The following PIAS1 variants were observed in gnomAD, a reference collection of about 807,000 sequenced individuals.
The protein encoded by PIAS1 is E3 SUMO-protein ligase PIAS1.
In PIAS1, 6 loss-of-function variants were observed where a neutral mutation model predicts 71.3. That is an observed-to-expected ratio of 0.08 (90% confidence interval 0.05 to 0.17). PIAS1 has a LOEUF of 0.17. PIAS1 is among the 10% of genes least tolerant of loss of function. The pLI, the probability that PIAS1 is intolerant of heterozygous loss-of-function variation, is 1.00. For missense variants in PIAS1, 555 were observed against 793.6 expected (o/e 0.70, Z 3.61); for synonymous variants, 303 against 292.9 (o/e 1.03, Z -0.35).
chr15:68,131,780 C>T (rs966937216), intron 2 of PIAS1, among the ~76,000 whole-genome samples: 3 of 152,166 alleles, frequency 2.0e-5, no homozygotes, highest in South Asian at 2.1e-4. Flanking sequence ...AGGTTGATTC[C>T]GTACTTGGTA....
At chr15:68,146,796 C>G in intron 6 of PIAS1, 96 bp downstream of exon 6, 1 of 883,738 alleles carries the variant, frequency 1.1e-6, no homozygotes, top group South Asian at 1.8e-5. Flanking sequence ...GTAAAATGAG[C>G]TGCAAAAGGA....
At position 68,187,986 on chromosome 15, in the gene PIAS1, G is replaced by T. The variant is rs2093099245; in HGVS notation, c.*151G>T. The T allele has an allele frequency of 3.2e-6, 2 of 626,288 alleles. No individual in the cohort carries two copies. Among genetic ancestry groups the T allele is most frequent in the African/African-American group, 3.7e-5 (2 of 54,140 alleles). The allele number at this position is 626,288 out of a possible 1,614,324, so 38.8% of individuals were successfully genotyped here. On this transcript the variant is annotated 3_prime_UTR_variant, in exon 14 of 14. Transcript: ENST00000249636. The surrounding 1 kb of genome is among the most constrained non-coding windows in gnomAD (Gnocchi z 5.3). ...TTTTAGGGAAAAAATTAAAAGAAAT[G>T]TACAGAGAACAAAACTATATTTTCA...
chr15:68,090,271 T>G (rs1302745872), intron 2 of PIAS1, among the ~76,000 whole-genome samples: 3 of 152,018 alleles, frequency 2.0e-5, no homozygotes, highest in Non-Finnish European at 4.4e-5. Context: ...GGCGAGATCT[T>G]GGTTTGCTGT....
In PIAS1 at chr15:68,190,241, G is replaced by T. The variant is rs546740777; in HGVS notation, c.*2406G>T. ...CGGTGGTTTCAGTGGTTTTGGTCAT[G>T]TGTCCACAGGAGAAACTAACCATTC... On this transcript the variant is annotated 3_prime_UTR_variant, in exon 14 of 14. Transcript: ENST00000249636. This position sits in a 1 kb window ranked among gnomAD's most constrained non-coding sequence, Gnocchi z 4.7. 1 of 152,322 alleles carries T rather than the reference G, an allele frequency of 6.6e-6. No individual in the cohort carries two copies. Among genetic ancestry groups the T allele is most frequent in the African/African-American group, 2.4e-5 (1 of 41,584 alleles). 9.4% of individuals were successfully genotyped at this position (152,322 alleles called of 1,614,324 possible). A position where few individuals can be genotyped will look rare whatever the true frequency, so the allele number is the denominator to read the frequency against.
chr15:68,170,316 A>G (rs1204283648), intron 8 of PIAS1, among the ~76,000 whole-genome samples: 1 of 152,184 alleles, frequency 6.6e-6, no homozygotes, highest in Non-Finnish European at 1.5e-5. Flanking sequence ...ACCTTGGCCT[A>G]TTGCTCCTAG....
At chr15:68,142,476 A>G in intron 4 of PIAS1, 139 bp downstream of exon 4, 1 of 608,668 alleles carries the variant, frequency 1.6e-6, no homozygotes, top group Non-Finnish European at 2.8e-6. Flanking sequence ...AGGAAGGGGA[A>G]ATGGAAAAAA....
At chr15:68,098,060 A>G (rs1056354027) in intron 2 of PIAS1, among the ~76,000 whole-genome samples, 2 of 152,148 alleles carry the variant, frequency 1.3e-5, no homozygotes, top group African/African-American at 2.4e-5. Context: ...GTCTAATTGT[A>G]TACTTTTCTG....
intron 7 of PIAS1, among the ~76,000 whole-genome samples, chr15:68,160,880 A>AAT (rs1462426528): frequency 6.6e-6 from 1 of 152,086 alleles, no homozygotes; most frequent in Non-Finnish European, 1.5e-5. Flanking sequence ...TGAATGCTTC[A>AAT]CTCCTAAGAT....
At chr15:68,136,888 A>G (rs2092737696) in intron 2 of PIAS1, among the ~76,000 whole-genome samples, 1 of 152,206 alleles carries the variant, frequency 6.6e-6, no homozygotes, top group African/African-American at 2.4e-5. Context: ...CCCTTATGCA[A>G]ATACATAAAT....
intron 2 of PIAS1, among the ~76,000 whole-genome samples, chr15:68,125,735 G>A (rs888234972): frequency 2.0e-5 from 3 of 151,838 alleles, no homozygotes; most frequent in African/African-American, 7.3e-5. Flanking sequence ...GGGTCTCACT[G>A]TGTTACCCAG....
rs2092845662 is a variant in PIAS1 at position 68,151,681 on chromosome 15, A to AC, written c.829-1909_829-1908insC. Among the ~76,000 whole-genome samples, 10 of 10,976 alleles carry AC rather than the reference A, an allele frequency of 9.1e-4. No individual in the cohort carries two copies. In the Admixed American group the frequency reaches 9.9e-3, roughly 11 times the overall value. 7.2% of individuals were successfully genotyped at this position (10,976 alleles called of 152,430 possible). ...CTAAAAACAAAAAAAACAAAAAAAC[A>AC]AAACACACACACACACACACACACA... On this transcript the variant is annotated intron_variant, in intron 6 of 13. Transcript: ENST00000249636.
intron 2 of PIAS1, among the ~76,000 whole-genome samples, chr15:68,112,222 T>G (rs1341297598): frequency 6.6e-6 from 1 of 152,174 alleles, no homozygotes; most frequent in Non-Finnish European, 1.5e-5. Flanking sequence ...TCCTACTCAC[T>G]TGCTTATTCA....
chr15:68,157,543 T>G (rs1252937324), intron 7 of PIAS1, among the ~76,000 whole-genome samples: 1 of 152,234 alleles, frequency 6.6e-6, no homozygotes, highest in African/African-American at 2.4e-5. Context: ...GATTGCTAAA[T>G]TTAAAGTGTA....
chr15:68,131,936 C>T (rs2092690391), intron 2 of PIAS1, among the ~76,000 whole-genome samples: 1 of 150,586 alleles, frequency 6.6e-6, no homozygotes, highest in Non-Finnish European at 1.5e-5. Flanking sequence ...GGCGTGGTGG[C>T]TCATACCTGT....
rs2092403845 is a variant in PIAS1, at chr15:68,099,282, A to G, written c.469+12532A>G. ...TTCTTTTTTTTTTTTTTACTCTTCA[A>G]AGTTCCTTGAGCTTTTTATTTTGAA... is the stretch of plus-strand genomic sequence containing the variant. On this transcript the variant is annotated intron_variant, in intron 2 of 13. Transcript: ENST00000249636. Among the ~76,000 whole-genome samples, 5 of 150,198 alleles carry G rather than the reference A, an allele frequency of 3.3e-5. No individual in the cohort carries two copies. In the South Asian group the frequency reaches 8.4e-4, roughly 25 times the overall value.
chr15:68,072,399 C>CAA lies in PIAS1; in HGVS notation c.25-13879_25-13878dup, dbSNP rs1166484451. Among the ~76,000 whole-genome samples the CAA allele has an allele frequency of 2.9e-3, 73 of 25,008 alleles. 3 individuals are homozygous for CAA. Among genetic ancestry groups the CAA allele is most frequent in the Middle Eastern group, 0.026 (1 of 38 alleles). The allele number at this position is 25,008 out of a possible 152,430, so 16.4% of individuals were successfully genotyped here. A position where few individuals can be genotyped will look rare whatever the true frequency, so the allele number is the denominator to read the frequency against. On this transcript the variant is annotated intron_variant, in intron 1 of 13. Transcript: ENST00000249636. ...TGGGTGACAGAGCGAGACTCCATCT[C>CAA]AAAAAAAAAAAAAAAAAAAAAAAAA...
intron 6 of PIAS1, among the ~76,000 whole-genome samples, chr15:68,149,342 T>C (rs1262309501): frequency 2.0e-5 from 3 of 151,772 alleles, no homozygotes; most frequent in Non-Finnish European, 4.4e-5. Context: ...TTTTTTTTTT[T>C]TTTAAACATT....
At chr15:68,162,489 GA>G (rs1163332506) in intron 7 of PIAS1, among the ~76,000 whole-genome samples, 1 of 152,054 alleles carries the variant, frequency 6.6e-6, no homozygotes, top group Non-Finnish European at 1.5e-5. Flanking sequence ...AGGAGAGAGA[GA>G]GATGAGAGAG....
At position 68,173,526 on chromosome 15, in the gene PIAS1, T is replaced by A. The variant is rs1231141617; in HGVS notation, c.1009-206T>A. Among the ~76,000 whole-genome samples, 1 of 152,224 alleles carries A rather than the reference T, an allele frequency of 6.6e-6. No homozygotes were observed. The highest frequency in any genetic ancestry group is 1.5e-5 in the Non-Finnish European group (1 of 68,032). On this transcript the variant is annotated intron_variant, in intron 8 of 13. Coordinates refer to ENST00000249636, the MANE Select transcript of PIAS1 (RefSeq NM_016166.3). The surrounding 1 kb of genome is among the most constrained non-coding windows in gnomAD (Gnocchi z 4.3). ...TTGTTGTAGACTTTCCATAGTCATT[T>A]TGTTTGATAGCCAAAGAAATACTGT...
Sources: allele counts gnomAD v4.1 joint callset (sites outside exome capture counted in the v4.1 genomes callset), GRCh38; gene constraint gnomAD v4.1.1; non-coding constraint Gnocchi (gnomAD v3.1); transcripts MANE v1.5; gene names NCBI Gene and HGNC (gene_info 2026-07-23, HGNC 2026-07-21).